IL1RAPL2: variants seen among roughly 807,000 people sequenced by gnomAD.
IL1RAPL2 encodes interleukin 1 receptor accessory protein like 2, also known as X-linked interleukin-1 receptor accessory protein-like 2.
IL1RAPL2 carries 3 observed loss-of-function variants against 44.1 expected under a neutral mutation model. The observed-to-expected ratio is 0.07, with a 90% CI of 0.03 to 0.18. The LOEUF is 0.18. IL1RAPL2 is among the 10% of genes least tolerant of loss of function. The probability of loss-of-function intolerance (pLI) is 1.00; values close to 1 mark genes in which losing one functional copy is unlikely to be tolerated. For synonymous variants in IL1RAPL2, 181 were observed against 178.8 expected, an observed-to-expected ratio of 1.01 and a Z score of -0.10; for missense variants, 391 against 496.4, an observed-to-expected ratio of 0.79 and a Z score of 2.02.
chrX:104,806,309 C>T (rs940291057), intron 2 of IL1RAPL2, among the ~76,000 whole-genome samples: 1 of 112,196 alleles, frequency 8.9e-6, no homozygotes, highest in Admixed American at 9.5e-5. Context: ...AAGCTACTTA[C>T]AGCTGAGTAT....
At chrX:105,043,248 AAG>A (rs2031783446) in intron 2 of IL1RAPL2, among the ~76,000 whole-genome samples, 1 of 110,286 alleles carries the variant, frequency 9.1e-6, no homozygotes. Flanking sequence ...AAAAAAGAAA[AAG>A]AGAGTATTTG....
At chrX:104,914,839 G>C (rs1378847823) in intron 2 of IL1RAPL2, among the ~76,000 whole-genome samples, 1 of 110,921 alleles carries the variant, frequency 9.0e-6, no homozygotes, top group African/African-American at 3.3e-5. Context: ...CCTTGCCGTA[G>C]TTAACTGAGA....
At chrX:104,677,524 T>A (rs1930796905) in intron 2 of IL1RAPL2, among the ~76,000 whole-genome samples, 1 of 111,699 alleles carries the variant, frequency 9.0e-6, no homozygotes, top group South Asian at 3.7e-4. Context: ...GACATTTAAG[T>A]CTGCAGAGGT....
chrX:104,946,765 A>G (rs1446912216), intron 2 of IL1RAPL2, among the ~76,000 whole-genome samples: 3 of 98,854 alleles, frequency 3.0e-5, no homozygotes, highest in African/African-American at 7.4e-5. Flanking sequence ...TTATGGCTGC[A>G]TAGTATTCCA....
chrX:105,330,836 T>G (rs1366839465), intron 5 of IL1RAPL2, among the ~76,000 whole-genome samples: 1 of 111,186 alleles, frequency 9.0e-6, no homozygotes, highest in Non-Finnish European at 1.9e-5. Context: ...TAGCCTCCTA[T>G]CTAGTCTTCT....
intron 2 of IL1RAPL2, among the ~76,000 whole-genome samples, chrX:104,795,594 C>T (rs2147610158): frequency 9.0e-6 from 1 of 111,058 alleles, no homozygotes; most frequent in African/African-American, 3.3e-5. Context: ...AGGACCCCAC[C>T]TTGAGGAAAT....
rs760817608 is a variant in IL1RAPL2, at chrX:104,859,432, C to T, written c.82+200437C>T. On this transcript the variant is annotated intron_variant, in intron 2 of 10. Transcript: ENST00000372582. ...GCTTTGTAATCTTACCGACTTAGTTCACACCCATGCCCATCACATAATGTC... is the reference window on the plus strand; with the variant it reads ...GCTTTGTAATCTTACCGACTTAGTTTACACCCATGCCCATCACATAATGTC... Among the ~76,000 whole-genome samples the T allele has an allele frequency of 6.4e-3, 713 of 111,219 alleles. 3 individuals are homozygous for T. Among genetic ancestry groups the T allele is most frequent in the African/African-American group, 0.022 (680 of 30,672 alleles).
At chrX:104,636,967 A>G (rs997688642) in intron 1 of IL1RAPL2, among the ~76,000 whole-genome samples, 2 of 110,939 alleles carry the variant, frequency 1.8e-5, no homozygotes, top group Admixed American at 1.9e-4. Flanking sequence ...AGCTCTTCCT[A>G]TTCGGCCATC....
intron 2 of IL1RAPL2, among the ~76,000 whole-genome samples, chrX:104,760,154 T>C (rs1048074337): frequency 5.3e-5 from 6 of 112,428 alleles, no homozygotes; most frequent in Non-Finnish European, 1.1e-4. Context: ...ATTGTGTATA[T>C]GTGCCATATA....
At chrX:105,733,295 T>G (rs756298040) in intron 7 of IL1RAPL2, among the ~76,000 whole-genome samples, 1 of 111,659 alleles carries the variant, frequency 9.0e-6, no homozygotes, top group African/African-American at 3.2e-5. Flanking sequence ...CTGGCTTCTT[T>G]CAAGATTTTG....
chrX:104,807,066 G>C (rs1305737627), intron 2 of IL1RAPL2, among the ~76,000 whole-genome samples: 1 of 110,873 alleles, frequency 9.0e-6, no homozygotes, highest in East Asian at 2.8e-4. Flanking sequence ...GCAGCAGATA[G>C]GGCACCATGC....
At chrX:104,883,091 T>C (rs1367315886) in intron 2 of IL1RAPL2, among the ~76,000 whole-genome samples, 1 of 111,614 alleles carries the variant, frequency 9.0e-6, no homozygotes, top group Non-Finnish European at 1.9e-5. Flanking sequence ...GCGGCTTCAT[T>C]CTTGAAGTCA....
At chrX:105,220,428 C>T (rs375117468) in intron 3 of IL1RAPL2, 90 of 1,128,401 alleles carry the variant, frequency 8.0e-5, no homozygotes, top group Non-Finnish European at 1.0e-4. Flanking sequence ...GTTTCACTAG[C>T]CCTGTGTGGA....
At chrX:105,742,116 T>C (rs2038505330) in intron 8 of IL1RAPL2, among the ~76,000 whole-genome samples, 1 of 111,341 alleles carries the variant, frequency 9.0e-6, no homozygotes, top group Admixed American at 9.6e-5. Flanking sequence ...CTCAGAGATA[T>C]CAACTTGAGC....
intron 2 of IL1RAPL2, among the ~76,000 whole-genome samples, chrX:104,784,661 A>T (rs1932789529): frequency 1.8e-5 from 2 of 109,946 alleles, no homozygotes; most frequent in South Asian, 8.0e-4. Flanking sequence ...CTCCACTGAG[A>T]TCTGTCCTTT....
chrX:104,836,137 G>A (rs934031948), intron 2 of IL1RAPL2, among the ~76,000 whole-genome samples: 13 of 111,380 alleles, frequency 1.2e-4, no homozygotes, highest in Non-Finnish European at 1.5e-4. Context: ...AGGTCATTAC[G>A]TTAAGTGAAA....
At chrX:104,600,982 A>G (rs1370153143) in intron 1 of IL1RAPL2, among the ~76,000 whole-genome samples, 1 of 111,619 alleles carries the variant, frequency 9.0e-6, no homozygotes, top group Non-Finnish European at 1.9e-5. Flanking sequence ...GAACATGTGA[A>G]TTCATGTGTC....
chrX:105,579,383 A>G, intron 6 of IL1RAPL2, among the ~76,000 whole-genome samples: 1 of 112,023 alleles, frequency 8.9e-6, no homozygotes, highest in Non-Finnish European at 1.9e-5. Context: ...TATATGCAAT[A>G]TATAAACATA....
At chrX:104,825,792 G>A (rs1346971916) in intron 2 of IL1RAPL2, among the ~76,000 whole-genome samples, 1 of 111,983 alleles carries the variant, frequency 8.9e-6, no homozygotes. Flanking sequence ...TTAAAACAAT[G>A]ATCATTTAAT....
Sources: allele counts gnomAD v4.1 joint callset (sites outside exome capture counted in the v4.1 genomes callset), GRCh38; gene constraint gnomAD v4.1.1; transcripts MANE v1.5; gene names NCBI Gene and HGNC (gene_info 2026-07-23, HGNC 2026-07-21).